The following FBLN2 variants were observed in gnomAD, a reference collection of about 807,000 sequenced individuals.
FBLN2 encodes fibulin-2.
FBLN2 carries 81 observed loss-of-function variants against 123.7 expected under a neutral mutation model. The observed-to-expected ratio is 0.65, with a 90% CI of 0.55 to 0.79. The LOEUF is 0.79. FBLN2 is among the 30% of genes least tolerant of loss of function. The probability of loss-of-function intolerance (pLI) is 0.00; values close to 1 mark genes in which losing one functional copy is unlikely to be tolerated. For synonymous variants in FBLN2, 699 were observed against 701.4 expected (o/e 1.00, Z 0.05); for missense variants, 1,603 against 1,681.3 (o/e 0.95, Z 0.81).
At chr3:13,550,469 C>A (rs879809137) in intron 1 of FBLN2, among the ~76,000 whole-genome samples, 3 of 152,148 alleles carry the variant, frequency 2.0e-5, no homozygotes, top group Non-Finnish European at 4.4e-5. Context: ...CCTGACAGGC[C>A]AAAAAGAGAA....
chr3:13,626,408 G>A (rs1391860974), intron 9 of FBLN2, 37 bp from the exon 10 acceptor site: 3 of 1,535,786 alleles, frequency 2.0e-6, no homozygotes, highest in Admixed American at 1.9e-5. Flanking sequence ...CTGTCCTGGG[G>A]ACTCTGCAGC....
At chr3:13,554,942 A>G (rs954109225) in intron 1 of FBLN2, among the ~76,000 whole-genome samples, 2 of 85,470 alleles carry the variant, frequency 2.3e-5, no homozygotes, top group East Asian at 4.5e-4. Flanking sequence ...TTTTGCTTAT[A>G]TTTACTTTTT....
chr3:13,607,616 C>T (rs1705249870), intron 2 of FBLN2, among the ~76,000 whole-genome samples: 1 of 152,186 alleles, frequency 6.6e-6, no homozygotes, highest in Non-Finnish European at 1.5e-5. Flanking sequence ...GTCTTAGCAT[C>T]TTAGGTTGGG....
rs993963277 is a variant in FBLN2, at chr3:13,603,058, G to A, written c.1307-5004G>A. On this transcript the variant is annotated intron_variant, in intron 2 of 17. Transcript: ENST00000404922. ...CCCAAGTAGCTGGGATTACAGGTGC[G>A]CGCCACCAAGCCTGGCTAATTTTTT... 4.6e-5 allele frequency among the ~76,000 whole-genome samples: 7 copies of A among 151,560 alleles called. No homozygotes were observed. The South Asian group carries it at 6.3e-4, about 14-fold the overall frequency.
At chr3:13,556,737 A>G (rs1703474507) in intron 1 of FBLN2, among the ~76,000 whole-genome samples, 1 of 152,182 alleles carries the variant, frequency 6.6e-6, no homozygotes, top group Non-Finnish European at 1.5e-5. Flanking sequence ...AGCACATGAC[A>G]CTGTAGCCCA....
At chr3:13,564,281 T>C (rs1485191616) in intron 1 of FBLN2, among the ~76,000 whole-genome samples, 1 of 152,162 alleles carries the variant, frequency 6.6e-6, no homozygotes, top group African/African-American at 2.4e-5. Flanking sequence ...GTCACTGTCT[T>C]GTCTGTGAGT....
rs547880411 is a variant in FBLN2 at position 13,611,064 on chromosome 3, G to A, written c.1548+1422G>A. On this transcript the variant is annotated intron_variant, in intron 4 of 17. Transcript: ENST00000404922. Reference sequence around the variant, plus strand: ...TGGGATTACAGGCACCTGCCACTACGCCCAGCTAATTTTTTTGTGTTTTTA... The same window carrying A: ...TGGGATTACAGGCACCTGCCACTACACCCAGCTAATTTTTTTGTGTTTTTA... 3.3e-5 allele frequency among the ~76,000 whole-genome samples: 5 copies of A among 152,058 alleles called. No homozygotes were observed. The South Asian group carries it at 8.3e-4, about 25-fold the overall frequency.
Position 13,598,609 on chromosome 3 carries a change from C to T in FBLN2, c.1307-9453C>T, listed in dbSNP as rs566245067. Among the ~76,000 whole-genome samples, 265 of 152,300 alleles carry T rather than the reference C, an allele frequency of 1.7e-3. 2 individuals carry two copies. The highest frequency in any genetic ancestry group is 6.1e-3 in the African/African-American group (252 of 41,562). On this transcript the variant is annotated intron_variant, in intron 2 of 17. Transcript: ENST00000404922. ...CTCTGGGGCAGGGAGATCATCCCAC[C>T]GACCTCTTGTTGTTGATGTGAGCTT...
chr3:13,568,724 C>G (rs1334916104), intron 1 of FBLN2: 1 of 976,178 alleles, frequency 1.0e-6, no homozygotes, highest in Non-Finnish European at 1.2e-6. Flanking sequence ...CTGCCACGTC[C>G]TCCTTCCGTC....
chr3:13,612,749 G>T (rs1705448969), intron 4 of FBLN2, among the ~76,000 whole-genome samples: 1 of 152,292 alleles, frequency 6.6e-6, no homozygotes, highest in Middle Eastern at 3.4e-3. Context: ...CTTTTTGGGT[G>T]GTTGTGGGGA....
At chr3:13,556,513 A>G (rs1158911549) in intron 1 of FBLN2, among the ~76,000 whole-genome samples, 6 of 152,114 alleles carry the variant, frequency 3.9e-5, no homozygotes, top group Non-Finnish European at 7.4e-5. Flanking sequence ...CAGGGCTTTC[A>G]CATAGAAATG....
At chr3:13,606,839 G>A (rs563613024) in intron 2 of FBLN2, among the ~76,000 whole-genome samples, 64 of 151,426 alleles carry the variant, frequency 4.2e-4, no homozygotes, top group African/African-American at 1.5e-3. Flanking sequence ...TTTTAGTAGA[G>A]ACGGAGTTTC....
rs1706047746 is a variant in FBLN2 at position 13,626,580 on chromosome 3, G to A, written c.2431+1G>A. Reference sequence around the variant, plus strand: ...GCCCTCAAGGATGGCGAGTGCGAAGGTGAGAAGGGCCCAGAAGGACCAACT... The same window carrying A: ...GCCCTCAAGGATGGCGAGTGCGAAGATGAGAAGGGCCCAGAAGGACCAACT... On this transcript the variant is annotated splice_donor_variant, in intron 10 of 17. Coordinates refer to ENST00000404922, the MANE Select transcript of FBLN2 (RefSeq NM_001004019.2). LOFTEE classifies it high-confidence loss of function. 1.9e-6 allele frequency: 3 copies of A among 1,541,432 alleles called. No homozygotes were observed. The highest frequency in any genetic ancestry group is 2.5e-5 in the East Asian group (1 of 40,656).
intron 8 of FBLN2, among the ~76,000 whole-genome samples, chr3:13,620,317 C>T (rs538125175): frequency 6.6e-6 from 1 of 152,330 alleles, no homozygotes; most frequent in East Asian, 1.9e-4. Flanking sequence ...CTGGTCTGTG[C>T]AGCCATGTCC....
In FBLN2 at chr3:13,570,450, A is replaced by G. The variant is rs1703896720; in HGVS notation, c.95A>G (p.Asp32Gly). ...PSVAAAAPRQ[D>G]CTGVECPPLE... ...GTGGCCGCAGCTGCCCCTCGGCAGG[A>G]CTGCACGGGCGTGGAGTGCCCGCCG... The change falls in exon 2 of 18, where the codon GAC (aspartate) becomes GGC (glycine). Residue 32 changes from aspartate to glycine, a missense_variant. Coordinates refer to ENST00000404922, the MANE Select transcript of FBLN2 (RefSeq NM_001004019.2). 1.9e-6 allele frequency: 3 copies of G among 1,573,308 alleles called. No homozygotes were observed. The African/African-American group carries it at 4.0e-5, about 21-fold the overall frequency.
chr3:13,613,033 A>T (rs1252023389), intron 4 of FBLN2, among the ~76,000 whole-genome samples: 1 of 152,082 alleles, frequency 6.6e-6, no homozygotes, highest in Non-Finnish European at 1.5e-5. Context: ...GAGCTAGATG[A>T]CCTAGGATGG....
intron 2 of FBLN2, among the ~76,000 whole-genome samples, chr3:13,573,668 C>A (rs989363286): frequency 3.3e-5 from 5 of 152,106 alleles, no homozygotes; most frequent in Non-Finnish European, 4.4e-5. Context: ...CTTTGGGAGG[C>A]CAAGGTGGGT....
At position 13,618,963 on chromosome 3, in the gene FBLN2, C is replaced by T. The variant is rs200492473; in HGVS notation, c.1999C>T (p.Gln667Ter). Reference protein sequence around the residue: ...QEPALKSEFSQVASNTIPLPL... With the variant: ...QEPALKSEFS ...GCCTGCACTGAAGTCAGAATTTTCC[C>T]AGGTGGCCTCTAACACCATCCCGCT... Residue 667 changes from glutamine to a stop codon, truncating the protein, a stop_gained, in exon 7 of 18, where the codon CAG (glutamine) becomes TAG (stop). Transcript: ENST00000404922. LOFTEE classifies it high-confidence loss of function. 9.3e-6 allele frequency: 15 copies of T among 1,613,292 alleles called. No homozygotes were observed. The highest frequency in any genetic ancestry group is 1.3e-5 in the Non-Finnish European group (15 of 1,179,730).
At chr3:13,574,365 A>T (rs1481310538) in intron 2 of FBLN2, among the ~76,000 whole-genome samples, 6 of 152,138 alleles carry the variant, frequency 3.9e-5, no homozygotes, top group Admixed American at 3.9e-4. Context: ...GCCCTGCCCG[A>T]GGGTTCCTCC....
Sources: gnomAD v4.1 joint callset for allele counts (sites outside exome capture counted in the v4.1 genomes callset) on GRCh38, gnomAD v4.1.1 for gene constraint, MANE v1.5 for transcripts, NCBI Gene and HGNC (gene_info 2026-07-23, HGNC 2026-07-21) for gene names.